The following PPHLN1 variants were observed in gnomAD, a reference collection of about 807,000 sequenced individuals.
PPHLN1 encodes periphilin 1, also known as periphilin-1.
In PPHLN1, 29 loss-of-function variants were observed where a neutral mutation model predicts 51.3. That is an observed-to-expected ratio of 0.57 (90% CI 0.42 to 0.77). The LOEUF is 0.77. Among genes scored for constraint, PPHLN1 ranks in the 30% least tolerant of loss-of-function variants. PPHLN1 has a pLI of 0.00. For missense variants in PPHLN1, 436 were observed against 438.4 expected (o/e 0.99, Z 0.05); for synonymous variants, 147 against 147.8 (o/e 0.99, Z 0.04).
chr12:42,373,244 C>T (rs573789989), intron 4 of PPHLN1, among the ~76,000 whole-genome samples: 8 of 152,352 alleles, frequency 5.3e-5, no homozygotes, highest in African/African-American at 1.9e-4. Context: ...CATATCACCA[C>T]TCTGGCTAAC....
chr12:42,355,021 A>T, intron 3 of PPHLN1, 140 bp from the exon 4 acceptor site: 1 of 697,084 alleles, frequency 1.4e-6, no homozygotes, highest in Admixed American at 2.3e-5. Flanking sequence ...GTTGAAATGG[A>T]TGACTTGCTG....
At chr12:42,424,408 C>A (rs1204117298) in intron 9 of PPHLN1, among the ~76,000 whole-genome samples, 6 of 152,184 alleles carry the variant, frequency 3.9e-5, no homozygotes, top group Non-Finnish European at 8.8e-5. Context: ...GCCTCCTTTC[C>A]CCACCTTCCT....
intron 4 of PPHLN1, chr12:42,359,144 G>A (rs2074353314): frequency 6.6e-6 from 1 of 152,078 alleles, no homozygotes; most frequent in Non-Finnish European, 1.5e-5. Flanking sequence ...TCACAATGTT[G>A]CCTGTACTGT....
intron 9 of PPHLN1, among the ~76,000 whole-genome samples, 182 bp from the exon 10 acceptor site, chr12:42,441,133 C>A (rs1039077051): frequency 6.6e-6 from 1 of 152,152 alleles, no homozygotes; most frequent in Non-Finnish European, 1.5e-5. Flanking sequence ...GTCAGCAGAT[C>A]TCATGGATAG....
intron 4 of PPHLN1, 42 bp from the exon 5 acceptor site, chr12:42,374,821 A>G: frequency 6.9e-7 from 1 of 1,452,590 alleles, no homozygotes; most frequent in East Asian, 2.3e-5. Context: ...TATAGAGGAT[A>G]GAGTATAATT....
rs144231037 is a variant in PPHLN1, at chr12:42,370,143, C to T, written c.300-4720C>T. 3.3e-4 allele frequency among the ~76,000 whole-genome samples: 51 copies of T among 152,294 alleles called. 1 individual carries two copies. In the East Asian group the frequency reaches 8.5e-3, roughly 25 times the overall value. On this transcript the variant is annotated intron_variant, in intron 4 of 9. Transcript: ENST00000358314. ...GCTAGTGAGCTTCTTTAATTCAGTCCTTTTTAACATTTCGTGTGCATAGGA... is the reference window on the plus strand; with the variant it reads ...GCTAGTGAGCTTCTTTAATTCAGTCTTTTTTAACATTTCGTGTGCATAGGA...
chr12:42,409,810 T>C lies in PPHLN1; in HGVS notation c.909+10816T>C, dbSNP rs570006557. The stretch of plus-strand genomic sequence containing the variant: ...TTAAGATAATTGACGATTATTTATC[T>C]ATTATGTGTCTGTTTTCATTAGTTT... On this transcript the variant is annotated intron_variant, in intron 9 of 9. Transcript: ENST00000358314. Among the ~76,000 whole-genome samples the C allele has an allele frequency of 2.0e-5, 3 of 152,260 alleles. No individual in the cohort carries two copies. The East Asian group carries it at 5.8e-4, about 29-fold the overall frequency.
chr12:42,442,671 C>T, downstream of PPHLN1: 1 of 1,614,122 alleles, frequency 6.2e-7, no homozygotes. Context: ...CAGCAGGTAC[C>T]CCCTGTGAGG....
chr12:42,331,049 C>T (rs529485697), intron 1 of PPHLN1, among the ~76,000 whole-genome samples: 2 of 152,304 alleles, frequency 1.3e-5, no homozygotes, highest in South Asian at 4.1e-4. Context: ...TCTTCCTTTT[C>T]TACATAGACA....
intron 9 of PPHLN1, among the ~76,000 whole-genome samples, chr12:42,405,022 G>A (rs888874672): frequency 1.3e-5 from 2 of 152,166 alleles, no homozygotes; most frequent in Non-Finnish European, 2.9e-5. Context: ...GTGAGACTCC[G>A]TCTAAAAAAA....
rs753421172 is a variant in PPHLN1 at position 42,351,939 on chromosome 12, A to C, written c.127A>C (p.Arg43=). ...GCCAAAGAAACCACCACTGCTAGAC[A>C]GACCTGGTGAAGGAAGCTACAATAG... is the stretch of plus-strand genomic sequence containing the variant. The part of the protein sequence containing the change: ...IVPKKPPLLD[R]PGEGSYNRYY... Residue 43 remains arginine, a synonymous_variant, in exon 3 of 10, where the codon AGA becomes CGA. Coordinates refer to ENST00000358314, the MANE Select transcript of PPHLN1 (RefSeq NM_201439.2). The C allele has an allele frequency of 6.3e-7, 1 of 1,590,520 alleles. No homozygotes were observed.
intron 9 of PPHLN1, among the ~76,000 whole-genome samples, chr12:42,404,896 C>G (rs940312249): frequency 2.6e-5 from 4 of 151,466 alleles, no homozygotes. Context: ...GCGTGGTGGC[C>G]CATGCCTGTA....
chr12:42,413,883 A>G (rs1189405005), intron 9 of PPHLN1, among the ~76,000 whole-genome samples: 2 of 151,746 alleles, frequency 1.3e-5, no homozygotes, highest in East Asian at 2.0e-4. Flanking sequence ...GTTTTGTAAT[A>G]TAATTTGAAG....
chr12:42,432,187 T>G (rs1262960809), intron 9 of PPHLN1: 9 of 835,142 alleles, frequency 1.1e-5, no homozygotes, highest in Non-Finnish European at 1.9e-5. Flanking sequence ...TCAGCTTGTC[T>G]TTACCCTCAG....
chr12:42,403,364 A>G (rs2079006340), intron 9 of PPHLN1, among the ~76,000 whole-genome samples: 1 of 152,212 alleles, frequency 6.6e-6, no homozygotes, highest in Non-Finnish European at 1.5e-5. Context: ...TTCCCAAAAC[A>G]ACTTGAAAAG....
At chr12:42,340,502 T>A (rs1350809238) in intron 2 of PPHLN1, among the ~76,000 whole-genome samples, 2 of 152,288 alleles carry the variant, frequency 1.3e-5, no homozygotes, top group African/African-American at 4.8e-5. Context: ...CCAATGAGAA[T>A]CAATGGGCTA....
At chr12:42,396,179 A>G (rs536034097) in intron 8 of PPHLN1, among the ~76,000 whole-genome samples, 10 of 152,192 alleles carry the variant, frequency 6.6e-5, no homozygotes, top group Non-Finnish European at 1.2e-4. Context: ...ATTTTAATTT[A>G]TTATTAATAT....
At position 42,429,725 on chromosome 12, in the gene PPHLN1, G is replaced by A. The variant is rs566024224; in HGVS notation, c.910-11590G>A. ...AAGGTGAGCTCTAGCTGTGTGGCAG[G>A]CACATTTATCTGTCATTCACACTCA... On this transcript the variant is annotated intron_variant, in intron 9 of 9. Transcript: ENST00000358314. Among the ~76,000 whole-genome samples, 9 of 152,242 alleles carry A rather than the reference G, an allele frequency of 5.9e-5. No homozygotes were observed. The South Asian group carries it at 1.9e-3, about 32-fold the overall frequency.
In PPHLN1 at chr12:42,384,873, T is replaced by C. The variant is rs78737005; in HGVS notation, c.512-67T>C. ...TGTTCTCATCACTCCTACTTCTGAG[T>C]TCTTCTCTTGTTCCTCTTGGGCACA... On this transcript the variant is annotated intron_variant, in intron 5 of 9. Transcript: ENST00000358314. 4.1e-3 allele frequency: 6,049 copies of C among 1,458,098 alleles called. 202 individuals are homozygous for C. The African/African-American group carries it at 0.076, about 18-fold the overall frequency. The allele number at this position is 1,458,098 out of a possible 1,614,324, so 90.3% of individuals were successfully genotyped here.
Sources: allele counts gnomAD v4.1 joint callset (sites outside exome capture counted in the v4.1 genomes callset), GRCh38; gene constraint gnomAD v4.1.1; transcripts MANE v1.5; gene names NCBI Gene and HGNC (gene_info 2026-07-23, HGNC 2026-07-21).